AK8: variants seen among roughly 807,000 people sequenced by gnomAD.
AK8 encodes the protein adenylate kinase 8, also known as ATP-AMP transphosphorylase 8.
In AK8, 44 loss-of-function variants were observed where a neutral mutation model predicts 54.6. The ratio of observed to expected loss-of-function variants is 0.81; its 90% confidence interval spans 0.63 to 1.04. AK8 has a LOEUF of 1.04. Among genes scored for constraint, AK8 ranks in the 50% least tolerant of loss-of-function variants. AK8 has a pLI of 0.00. For synonymous variants in AK8, 239 were observed against 245.6 expected (o/e 0.97, Z 0.25); for missense variants, 555 against 613.6 (o/e 0.90, Z 1.01).
At chr9:132,737,257 A>T (rs1837165388) in intron 11 of AK8, among the ~76,000 whole-genome samples, 1 of 152,228 alleles carries the variant, frequency 6.6e-6, no homozygotes, top group Admixed American at 6.5e-5. Context: ...TGAGGTTCTG[A>T]ATACATGCAT....
At chr9:132,831,374 T>C (rs1196076710) in intron 5 of AK8, among the ~76,000 whole-genome samples, 2 of 152,256 alleles carry the variant, frequency 1.3e-5, no homozygotes, top group Non-Finnish European at 2.9e-5. Context: ...TTGTTTTTTA[T>C]GTCCCTCAGC....
At position 132,789,092 on chromosome 9, in the gene AK8, G is replaced by A. The variant is rs560499195; in HGVS notation, c.1121+3542C>T. 2.0e-5 allele frequency among the ~76,000 whole-genome samples: 3 copies of A among 151,890 alleles called. No homozygotes were observed. In the East Asian group the frequency reaches 5.8e-4, roughly 29 times the overall value. On this transcript the variant is annotated intron_variant, in intron 11 of 12. Transcript: ENST00000298545. Reference sequence around the variant, plus strand: ...GGGTGGATCACAAAGTCAGGAGATCGAGACCATCCTGGCTAACACGGTGAA... The same window carrying A: ...GGGTGGATCACAAAGTCAGGAGATCAAGACCATCCTGGCTAACACGGTGAA...
At chr9:132,844,297 CAAAAAAAAA>C (rs35309762) in intron 5 of AK8, among the ~76,000 whole-genome samples, 6 of 92,656 alleles carry the variant, frequency 6.5e-5, no homozygotes, top group Admixed American at 2.3e-4. Context: ...TGCATTAGAC[CAAAAAAAAA>C]AAAAAAAAAA....
chr9:132,806,392 C>T (rs1487192622), intron 10 of AK8, among the ~76,000 whole-genome samples: 4 of 152,092 alleles, frequency 2.6e-5, no homozygotes, highest in African/African-American at 7.2e-5. Flanking sequence ...CTAATTATAC[C>T]CCTGTGAGTC....
At chr9:132,845,316 C>G (rs1842706004) in intron 5 of AK8, among the ~76,000 whole-genome samples, 1 of 152,164 alleles carries the variant, frequency 6.6e-6, no homozygotes, top group African/African-American at 2.4e-5. Context: ...ATAACGATGT[C>G]AATTATAATT....
At chr9:132,783,575 T>C (rs555848685) in intron 11 of AK8, among the ~76,000 whole-genome samples, 117 of 123,946 alleles carry the variant, frequency 9.4e-4, no homozygotes, top group Non-Finnish European at 1.7e-3. Flanking sequence ...GCATAAAAGT[T>C]AAAAAAAAAA....
chr9:132,801,048 G>A (rs215182), intron 10 of AK8, among the ~76,000 whole-genome samples: 47,140 of 151,024 alleles, frequency 0.31, 7,586 homozygotes, highest in East Asian at 0.49. Flanking sequence ...CCTCAGCCTC[G>A]TGAGTGACTG....
At chr9:132,794,039 T>C (rs1049830298) in intron 10 of AK8, among the ~76,000 whole-genome samples, 1 of 152,112 alleles carries the variant, frequency 6.6e-6, no homozygotes, top group Admixed American at 6.5e-5. Flanking sequence ...TGCCAGCCGT[T>C]TTCCCTGTGG....
chr9:132,794,458 C>A (rs1453628300), intron 10 of AK8, among the ~76,000 whole-genome samples: 1 of 152,180 alleles, frequency 6.6e-6, no homozygotes, highest in Non-Finnish European at 1.5e-5. Context: ...AGCCTCAGGG[C>A]CACGGTGTGA....
In AK8 at chr9:132,767,446, T is replaced by C. The variant is rs142821056; in HGVS notation, c.1121+25188A>G. Among the ~76,000 whole-genome samples, 62 of 151,340 alleles carry C rather than the reference T, an allele frequency of 4.1e-4. 1 individual carries two copies. The East Asian group carries it at 0.011, about 26-fold the overall frequency. On this transcript the variant is annotated intron_variant, in intron 11 of 12. Transcript: ENST00000298545. ...CAGTTAAAATAGCTATTAGCAAAAA[T>C]TGAAAAAAAAAAGATGCTGGTGAAG...
intron 9 of AK8, among the ~76,000 whole-genome samples, chr9:132,819,329 T>A (rs548121246): frequency 1.3e-5 from 2 of 152,316 alleles, no homozygotes; most frequent in South Asian, 4.1e-4. Context: ...TGTATGTAGG[T>A]TATATGCAAA....
In AK8 at chr9:132,854,999, C is replaced by T. The variant is rs1448668676; in HGVS notation, c.334-74G>A. On this transcript the variant is annotated intron_variant, in intron 4 of 12. Transcript: ENST00000298545. ...AGCTCAGGACACAGACCAGCACACA[C>T]CCTTCACCAACGCCCTGGCCTCTGG... 55 of 1,511,764 alleles carry T rather than the reference C, an allele frequency of 3.6e-5. No individual in the cohort carries two copies. The East Asian group carries it at 1.2e-3, about 32-fold the overall frequency. 93.6% of individuals were successfully genotyped at this position (1,511,764 alleles called of 1,614,324 possible). A position where few individuals can be genotyped will look rare whatever the true frequency, so the allele number is the denominator to read the frequency against.
intron 11 of AK8, among the ~76,000 whole-genome samples, chr9:132,777,900 C>T (rs7857089): frequency 1.3e-5 from 2 of 152,262 alleles, no homozygotes; most frequent in African/African-American, 4.8e-5. Flanking sequence ...CCTTGTCCAC[C>T]GACACTGTGG....
intron 11 of AK8, among the ~76,000 whole-genome samples, chr9:132,753,841 G>A (rs555028351): frequency 3.3e-5 from 5 of 152,330 alleles, no homozygotes; most frequent in South Asian, 2.1e-4. Context: ...GAGCATGCAC[G>A]AAGGTCTCCT....
chr9:132,732,756 C>T (rs1836907995), intron 11 of AK8, among the ~76,000 whole-genome samples: 1 of 152,024 alleles, frequency 6.6e-6, no homozygotes, highest in Non-Finnish European at 1.5e-5. Flanking sequence ...GTGCCTGTAG[C>T]CAGCCTCAGG....
intron 11 of AK8, among the ~76,000 whole-genome samples, chr9:132,783,304 G>A (rs1839559654): frequency 6.6e-6 from 1 of 152,202 alleles, no homozygotes; most frequent in South Asian, 2.1e-4. Flanking sequence ...CAAGGAAACG[G>A]ATTTTGCCCT....
chr9:132,797,554 T>G (rs946390309), intron 10 of AK8, among the ~76,000 whole-genome samples: 10 of 151,814 alleles, frequency 6.6e-5, no homozygotes, highest in African/African-American at 2.4e-4. Context: ...CTGGGGTTTG[T>G]TGGGAGGGGT....
intron 11 of AK8, among the ~76,000 whole-genome samples, chr9:132,751,346 T>C (rs1056157606): frequency 5.7e-5 from 8 of 140,224 alleles, no homozygotes; most frequent in African/African-American, 2.2e-4. Context: ...ATCATGTCAC[T>C]GCCCTCCAGC....
At chr9:132,750,365 C>A (rs909959196) in intron 11 of AK8, among the ~76,000 whole-genome samples, 1 of 151,868 alleles carries the variant, frequency 6.6e-6, no homozygotes, top group Non-Finnish European at 1.5e-5. Context: ...GTGAGCCACC[C>A]GCCTTGGCCT....
Sources: allele counts gnomAD v4.1 joint callset (sites outside exome capture counted in the v4.1 genomes callset), GRCh38; gene constraint gnomAD v4.1.1; transcripts MANE v1.5; gene names NCBI Gene and HGNC (gene_info 2026-07-23, HGNC 2026-07-21).